LAMA1: variants seen among roughly 807,000 people sequenced by gnomAD.
The protein encoded by LAMA1 is laminin subunit alpha 1, also known as laminin subunit alpha-1.
A neutral mutation model predicts 348.7 loss-of-function variants in LAMA1; 219 were observed. That is an observed-to-expected ratio of 0.63 (90% CI 0.56 to 0.70). The LOEUF is 0.70. LAMA1 is among the 30% of genes least tolerant of loss of function. The probability of loss-of-function intolerance (pLI) is 0.00; values close to 1 mark genes in which losing one functional copy is unlikely to be tolerated. For synonymous variants in LAMA1, 1,487 were observed against 1,491.0 expected (o/e 1.00, Z 0.06); for missense variants, 3,744 against 3,888.0 (o/e 0.96, Z 0.99).
rs771766995 is a variant in LAMA1 at position 6,983,087 on chromosome 18, G to A, written c.5796+12C>T. The A allele has an allele frequency of 1.5e-5, 25 of 1,613,854 alleles. No individual in the cohort carries two copies. Among genetic ancestry groups the A allele is most frequent in the African/African-American group, 4.0e-5 (3 of 74,894 alleles). ...CACAGAGCCCAGAAAAAGAAGCCACGTCGTTTCCTACCAGGCTCGTCTCAG... is the reference window on the plus strand; with the variant it reads ...CACAGAGCCCAGAAAAAGAAGCCACATCGTTTCCTACCAGGCTCGTCTCAG... On this transcript the variant is annotated intron_variant, in intron 40 of 62. Transcript: ENST00000389658.
rs753265226 is a variant in LAMA1 at position 7,117,762 on chromosome 18, C to G, written c.-42G>C. On this transcript the variant is annotated 5_prime_UTR_variant, in exon 1 of 63. Coordinates refer to ENST00000389658, the MANE Select transcript of LAMA1 (RefSeq NM_005559.4). Reference sequence around the variant, plus strand: ...CTCGGTGGGTCTGGGGAGAAAGCCGCGCGCCCGCCTGGAACGCTCCACGGG... The same window carrying G: ...CTCGGTGGGTCTGGGGAGAAAGCCGGGCGCCCGCCTGGAACGCTCCACGGG... 2 of 1,566,186 alleles carry G rather than the reference C, an allele frequency of 1.3e-6. No homozygotes were observed. Among genetic ancestry groups the G allele is most frequent in the South Asian group, 2.3e-5 (2 of 88,210 alleles).
At chr18:7,030,091 T>C (rs1449530947) in intron 16 of LAMA1, among the ~76,000 whole-genome samples, 1 of 152,138 alleles carries the variant, frequency 6.6e-6, no homozygotes, top group Non-Finnish European at 1.5e-5. Flanking sequence ...CAAACATTAA[T>C]TAAGAAGGGA....
intron 45 of LAMA1, 25 bp downstream of exon 45, chr18:6,975,912 C>T (rs1408767882): frequency 7.4e-6 from 12 of 1,613,522 alleles, no homozygotes; most frequent in Admixed American, 1.7e-5. Context: ...GATTCAGTGT[C>T]GCTTTCCAAA....
In LAMA1 at chr18:6,961,929, T is replaced by C; in HGVS notation, c.7452+16A>G. On this transcript the variant is annotated intron_variant, in intron 52 of 62. Transcript: ENST00000389658. ...TTATGGAAACTCATTTGAACATTAA[T>C]AACAATGTTTCCTACCTCCAGTAAA... is the stretch of plus-strand genomic sequence containing the variant. 6.2e-7 allele frequency: 1 copy of C among 1,600,658 alleles called. No homozygotes were observed. The highest frequency in any genetic ancestry group is 8.6e-7 in the Non-Finnish European group (1 of 1,167,708).
rs1276957345 is a variant in LAMA1 at position 6,973,101 on chromosome 18, T to C, written c.6730A>G (p.Asn2244Asp). 6.2e-7 allele frequency: 1 copy of C among 1,614,234 alleles called. No individual in the cohort carries two copies. The highest frequency in any genetic ancestry group is 8.5e-7 in the Non-Finnish European group (1 of 1,180,018). The change falls in exon 47 of 63, where the codon AAT becomes GAT. Residue 2244 changes from asparagine to aspartate, a missense_variant. Around this residue, in one of 3 missense-constraint regions of LAMA1, gnomAD observed 1,983 missense variants for 1,934.3 expected, o/e 1.03. Coordinates refer to ENST00000389658, the MANE Select transcript of LAMA1 (RefSeq NM_005559.4). ...PGTANVLDVN[N>D]STLMFVGGLG... ...CCTCCAACAAACATGAGTGTTGAATTGTTTACATCCAGAACATTAGCTGTC... is the reference window on the plus strand; with the variant it reads ...CCTCCAACAAACATGAGTGTTGAATCGTTTACATCCAGAACATTAGCTGTC...
intron 48 of LAMA1, 21 bp downstream of exon 48, chr18:6,971,836 T>C (rs368272849): frequency 1.5e-5 from 24 of 1,613,938 alleles, no homozygotes; most frequent in East Asian, 2.2e-5. Flanking sequence ...TACTATGTGC[T>C]AAACCGTGAC....
chr18:7,115,343 A>T (rs936430241), intron 1 of LAMA1, among the ~76,000 whole-genome samples: 1 of 152,204 alleles, frequency 6.6e-6, no homozygotes, highest in Non-Finnish European at 1.5e-5. Flanking sequence ...CCATAATTTT[A>T]TGTGATTGCC....
At chr18:7,061,647 A>C (rs1416187257) in intron 3 of LAMA1, among the ~76,000 whole-genome samples, 1 of 152,206 alleles carries the variant, frequency 6.6e-6, no homozygotes, top group Non-Finnish European at 1.5e-5. Flanking sequence ...GTGGCAATGA[A>C]TGGCATCCCT....
Position 7,032,126 on chromosome 18 carries a change from A to G in LAMA1, c.2214T>C (p.Ile738=). 6.2e-7 allele frequency: 1 copy of G among 1,614,220 alleles called. No homozygotes were observed. The highest frequency in any genetic ancestry group is 8.5e-7 in the Non-Finnish European group (1 of 1,180,026). ...GGCCGTGGCATTCACAGGGTTGACA[A>G]ATTCCTCCAAAGAGTATTCCATCCA... ...YRVDGILFGG[I]CQPCECHGHA... is the part of the protein sequence containing the mutation. The change falls in exon 16 of 63, where the codon ATT becomes ATC. Residue 738 remains isoleucine (I), a synonymous_variant. Transcript: ENST00000389658.
At position 6,958,510 on chromosome 18, in the gene LAMA1, T is replaced by A. The variant is rs146411016; in HGVS notation, c.7931A>T (p.His2644Leu). 5.0e-6 allele frequency: 8 copies of A among 1,614,108 alleles called. No individual in the cohort carries two copies. The African/African-American group carries it at 1.1e-4, about 22-fold the overall frequency. Reference protein sequence around the residue: ...TSLLTMRRSFHGCIKNLIFNL... With the variant: ...TSLLTMRRSFLGCIKNLIFNL... ...GAAGATCAGGTTTTTGATACAGCCATGGAACGATCTTCTCATTGTGAGCAG... is the reference window on the plus strand; with the variant it reads ...GAAGATCAGGTTTTTGATACAGCCAAGGAACGATCTTCTCATTGTGAGCAG... The change falls in exon 55 of 63, where the codon CAT becomes CTT. Residue 2644 changes from histidine (H) to leucine (L), a missense_variant. Around this residue, in one of 3 missense-constraint regions of LAMA1, gnomAD observed 1,983 missense variants for 1,934.3 expected, o/e 1.03. Coordinates refer to ENST00000389658, the MANE Select transcript of LAMA1 (RefSeq NM_005559.4).
rs555723777 is a variant in LAMA1, at chr18:6,995,318, G to C, written c.4896+39C>G. On this transcript the variant is annotated intron_variant, in intron 34 of 62. Coordinates refer to ENST00000389658, the MANE Select transcript of LAMA1 (RefSeq NM_005559.4). ...ACTGCTCAGGAGGGCTGATGGGAGG[G>C]ACCAGGAGGAAGGTTGGTTGGTTAT... The C allele has an allele frequency of 1.2e-5, 16 of 1,390,224 alleles. No homozygotes were observed. In the Admixed American group the frequency reaches 1.5e-4, roughly 13 times the overall value. The allele number at this position is 1,390,224 out of a possible 1,614,324, so 86.1% of individuals were successfully genotyped here. A position where few individuals can be genotyped will look rare whatever the true frequency, so the allele number is the denominator to read the frequency against.
intron 48 of LAMA1, among the ~76,000 whole-genome samples, chr18:6,970,893 G>A (rs1384461220): frequency 2.0e-5 from 3 of 152,270 alleles, no homozygotes; most frequent in African/African-American, 4.8e-5. Context: ...GATTACAGGC[G>A]TGAGCCACCA....
Position 7,023,261 on chromosome 18 carries a change from C to T in LAMA1, c.2604G>A (p.Gly868=), listed in dbSNP as rs200170562. Residue 868 remains glycine, a synonymous_variant, in exon 19 of 63, where the codon GGG becomes GGA. Transcript: ENST00000389658. ...TGTTCCCCAGGCACTTCAGGCACTC[C>T]CCGGTGACTGAGTCACAGTGACCAG... ...SEAGHCDSVT[G]ECLKCLGNTD... is the part of the protein sequence containing the mutation. 4.9e-5 allele frequency: 79 copies of T among 1,614,088 alleles called. No individual in the cohort carries two copies. The highest frequency in any genetic ancestry group is 1.8e-4 in the East Asian group (8 of 44,860).
At chr18:6,979,282 G>A (rs1484899912) in intron 42 of LAMA1, among the ~76,000 whole-genome samples, 1 of 152,138 alleles carries the variant, frequency 6.6e-6, no homozygotes, top group African/African-American at 2.4e-5. Context: ...GTTTCCCCAG[G>A]TAACTTCCAT....
chr18:7,093,541 C>A (rs905672756), intron 1 of LAMA1, among the ~76,000 whole-genome samples: 1 of 152,130 alleles, frequency 6.6e-6, no homozygotes, highest in Non-Finnish European at 1.5e-5. Flanking sequence ...CCAAAATCCA[C>A]CTGCAAGCAC....
intron 1 of LAMA1, among the ~76,000 whole-genome samples, chr18:7,108,453 G>A (rs2058322746): frequency 6.6e-6 from 1 of 151,736 alleles, no homozygotes; most frequent in African/African-American, 2.4e-5. Context: ...TTGAGGTCAG[G>A]AGTTCAAGAC....
Position 6,971,862 on chromosome 18 carries a change from GAAGC to G in LAMA1, c.6890_6893del (p.Cys2297SerfsTer29). The G allele has an allele frequency of 6.2e-7, 1 of 1,613,968 alleles. No individual in the cohort carries two copies. The highest frequency in any genetic ancestry group is 2.2e-5 in the East Asian group (1 of 44,854). Reference sequence around the variant, plus strand: ...AAACCGTGACGACATCTTACCTTCCGAAGCACCCACGGCACTTGCCTTCCCTTTC... The same window carrying G: ...AAACCGTGACGACATCTTACCTTCCGACCCACGGCACTTGCCTTCCCTTTC... On this transcript the variant is annotated frameshift_variant, in exon 48 of 63. Coordinates refer to ENST00000389658, the MANE Select transcript of LAMA1 (RefSeq NM_005559.4). LOFTEE classifies it high-confidence loss of function.
In LAMA1 at chr18:7,037,751, C is replaced by CT; in HGVS notation, c.1564-1_1564insA (p.Val522SerfsTer58). The CT allele has an allele frequency of 1.2e-6, 2 of 1,614,078 alleles. No individual in the cohort carries two copies. The highest frequency in any genetic ancestry group is 1.7e-6 in the Non-Finnish European group (2 of 1,179,998). ...ACCAGCCACCCGGACATACTGTTTACCTTAAAAACAAATTCAAGAATTTTG... is the reference window on the plus strand; with the variant it reads ...ACCAGCCACCCGGACATACTGTTTACTCTTAAAAACAAATTCAAGAATTTTG... On this transcript the variant is annotated frameshift_variant and splice_region_variant. Transcript: ENST00000389658. LOFTEE classifies it high-confidence loss of function.
At chr18:6,956,132 A>G (rs1453939367) in intron 56 of LAMA1, 1 of 322,714 alleles carries the variant, frequency 3.1e-6, no homozygotes, top group South Asian at 2.6e-5. Flanking sequence ...TGCTTCTGCC[A>G]TCTTCTAAAT....
Sources: allele counts gnomAD v4.1 joint callset (sites outside exome capture counted in the v4.1 genomes callset), GRCh38; gene constraint gnomAD v4.1.1; regional missense constraint gnomAD v4.1.1; transcripts MANE v1.5; gene names NCBI Gene and HGNC (gene_info 2026-07-23, HGNC 2026-07-21).